ZBTB44: variants seen among roughly 807,000 people sequenced by gnomAD.
ZBTB44 encodes zinc finger and BTB domain-containing protein 44.
ZBTB44 carries 15 observed loss-of-function variants against 54.0 expected under a neutral mutation model. The observed-to-expected ratio is 0.28, with a 90% CI of 0.19 to 0.43. The LOEUF (loss-of-function observed/expected upper bound fraction) is 0.43. Among genes scored for constraint, ZBTB44 ranks in the 20% least tolerant of loss-of-function variants. The pLI, the probability that ZBTB44 is intolerant of heterozygous loss-of-function variation, is 1.00. For synonymous variants in ZBTB44, 230 were observed against 250.1 expected, an observed-to-expected ratio of 0.92 and a Z score of 0.76; for missense variants, 487 against 707.1, an observed-to-expected ratio of 0.69 and a Z score of 3.53.
Position 130,239,870 on chromosome 11 carries a change from C to G in ZBTB44, c.1045G>C (p.Gly349Arg). ...GACGTGCTTTGAAGTGTAGGCAAGCCCTCAGAAACGCCTTCATCTACTGAG... is the reference window on the plus strand; with the variant it reads ...GACGTGCTTTGAAGTGTAGGCAAGCGCTCAGAAACGCCTTCATCTACTGAG... ...IGSVDEGVSEGLPTLQSTSST... is the reference protein window; with the variant it reads ...IGSVDEGVSERLPTLQSTSST... The change falls in exon 3 of 8, where the codon GGC (glycine) becomes CGC (arginine). Residue 349 changes from glycine to arginine, a missense_variant. By Grantham distance (125) the Gly-to-Arg change is moderately radical (BLOSUM62 -2). Transcript: ENST00000357899. 1 of 1,611,820 alleles carries G rather than the reference C, an allele frequency of 6.2e-7. No individual in the cohort carries two copies. Among genetic ancestry groups the G allele is most frequent in the Non-Finnish European group, 8.5e-7 (1 of 1,178,810 alleles).
At chr11:130,277,136 T>TA (rs761522154) in intron 1 of ZBTB44, among the ~76,000 whole-genome samples, 2 of 152,256 alleles carry the variant, frequency 1.3e-5, no homozygotes, top group African/African-American at 2.4e-5. Flanking sequence ...CATTTAATGT[T>TA]ATTTGTATAG....
chr11:130,309,031 C>A (rs1942433523), intron 1 of ZBTB44, among the ~76,000 whole-genome samples: 1 of 152,226 alleles, frequency 6.6e-6, no homozygotes, highest in Non-Finnish European at 1.5e-5. Flanking sequence ...CAACTTATCA[C>A]CAGACTCTCA....
At chr11:130,282,123 A>G (rs139170726) in intron 1 of ZBTB44, among the ~76,000 whole-genome samples, 31 of 152,332 alleles carry the variant, frequency 2.0e-4, no homozygotes, top group Non-Finnish European at 3.8e-4. Flanking sequence ...GCAGCAGTTA[A>G]GGTTATTTTT....
chr11:130,254,776 G>C (rs539437249), intron 2 of ZBTB44, among the ~76,000 whole-genome samples: 1 of 152,182 alleles, frequency 6.6e-6, no homozygotes, highest in East Asian at 1.9e-4. Flanking sequence ...ACGTGCACAC[G>C]TATGTTTATT....
chr11:130,251,180 G>A (rs770166775), intron 2 of ZBTB44, among the ~76,000 whole-genome samples: 9 of 152,096 alleles, frequency 5.9e-5, no homozygotes, highest in African/African-American at 1.4e-4. Flanking sequence ...TGGATCAAGC[G>A]GAAGAAAGAT....
At chr11:130,245,292 T>G (rs1273475622) in intron 2 of ZBTB44, among the ~76,000 whole-genome samples, 2 of 152,228 alleles carry the variant, frequency 1.3e-5, no homozygotes, top group Non-Finnish European at 2.9e-5. Context: ...TCTGACTTGT[T>G]TTTAATCCAG....
intron 2 of ZBTB44, among the ~76,000 whole-genome samples, chr11:130,256,216 C>A (rs1027087654): frequency 1.3e-5 from 2 of 152,194 alleles, no homozygotes; most frequent in Non-Finnish European, 2.9e-5. Context: ...CAAACTGAAT[C>A]CAGCAGAATA....
chr11:130,237,205 G>T, intron 4 of ZBTB44, 112 bp from the exon 5 acceptor site: 1 of 1,076,318 alleles, frequency 9.3e-7, no homozygotes, highest in Non-Finnish European at 1.2e-6. Flanking sequence ...GAAAAGGCAA[G>T]AATTACCAGC....
At chr11:130,301,376 G>A (rs1347129620) in intron 1 of ZBTB44, among the ~76,000 whole-genome samples, 3 of 152,198 alleles carry the variant, frequency 2.0e-5, no homozygotes, top group Admixed American at 6.5e-5. Context: ...CGTGGAGGCC[G>A]AGTATGCTGG....
chr11:130,238,327 T>G, intron 4 of ZBTB44, 117 bp downstream of exon 4: 5 of 1,295,226 alleles, frequency 3.9e-6, no homozygotes, highest in East Asian at 2.6e-5. Context: ...TGTTTTCATT[T>G]GACTTCCCAG....
intron 1 of ZBTB44, among the ~76,000 whole-genome samples, chr11:130,301,811 G>C (rs528837196): frequency 9.9e-5 from 15 of 152,224 alleles, no homozygotes; most frequent in Admixed American, 2.0e-4. Flanking sequence ...CACTGTGAGA[G>C]GCTGAGTTGG....
At chr11:130,312,974 C>T (rs1445988943) in intron 1 of ZBTB44, among the ~76,000 whole-genome samples, 2 of 152,112 alleles carry the variant, frequency 1.3e-5, no homozygotes, top group East Asian at 3.8e-4. Context: ...GGCAAAAATG[C>T]TAATCACTGA....
At chr11:130,284,762 A>T (rs1441426347) in intron 1 of ZBTB44, among the ~76,000 whole-genome samples, 1 of 152,138 alleles carries the variant, frequency 6.6e-6, no homozygotes, top group Non-Finnish European at 1.5e-5. Flanking sequence ...GCTACTCTGG[A>T]GACTGAGGCA....
chr11:130,306,226 G>A (rs974177062), intron 1 of ZBTB44, among the ~76,000 whole-genome samples: 1 of 152,092 alleles, frequency 6.6e-6, no homozygotes, highest in Non-Finnish European at 1.5e-5. Context: ...AAGTAGGCTG[G>A]GCACGATGGC....
chr11:130,259,502 A>G (rs2136422967), intron 2 of ZBTB44, among the ~76,000 whole-genome samples: 1 of 152,356 alleles, frequency 6.6e-6, no homozygotes, highest in East Asian at 1.9e-4. Context: ...ACACATGCGC[A>G]CATATGTTTA....
intron 1 of ZBTB44, among the ~76,000 whole-genome samples, chr11:130,264,660 A>T (rs1235094742): frequency 6.6e-6 from 1 of 152,220 alleles, no homozygotes; most frequent in Middle Eastern, 3.2e-3. Context: ...GAGGAAATGC[A>T]TTCTCTACCA....
At chr11:130,303,348 T>C (rs529406699) in intron 1 of ZBTB44, among the ~76,000 whole-genome samples, 3 of 152,106 alleles carry the variant, frequency 2.0e-5, no homozygotes, top group African/African-American at 7.2e-5. Context: ...AAAAAATACA[T>C]ACCAAGGCCG....
chr11:130,246,388 AG>A (rs1450384073), intron 2 of ZBTB44, among the ~76,000 whole-genome samples: 2 of 152,176 alleles, frequency 1.3e-5, no homozygotes, highest in Non-Finnish European at 2.9e-5. Flanking sequence ...TCTACCCTAT[AG>A]GGATTCTGTT....
chr11:130,301,984 C>G (rs117761932), intron 1 of ZBTB44, among the ~76,000 whole-genome samples: 1 of 147,936 alleles, frequency 6.8e-6, no homozygotes, highest in East Asian at 2.0e-4. Flanking sequence ...CCCAGGAGAT[C>G]GAGGCCATAA....
Sources: gnomAD v4.1 joint callset for allele counts (sites outside exome capture counted in the v4.1 genomes callset) on GRCh38, gnomAD v4.1.1 for gene constraint, MANE v1.5 for transcripts, NCBI Gene and HGNC (gene_info 2026-07-23, HGNC 2026-07-21) for gene names.